KAZN: variants seen among roughly 807,000 people sequenced by gnomAD.
KAZN encodes kazrin.
In KAZN, 40 loss-of-function variants were observed where a neutral mutation model predicts 87.4. The ratio of observed to expected loss-of-function variants is 0.46; its 90% confidence interval spans 0.36 to 0.60. KAZN has a LOEUF of 0.60. Among genes scored for constraint, KAZN ranks in the 20% least tolerant of loss-of-function variants. The pLI, the probability that KAZN is intolerant of heterozygous loss-of-function variation, is 0.00. For missense variants in KAZN, 898 were observed against 1,073.9 expected, an observed-to-expected ratio of 0.84 and a Z score of 2.29; for synonymous variants, 466 against 458.3, an observed-to-expected ratio of 1.02 and a Z score of -0.22.
intron 1 of KAZN, among the ~76,000 whole-genome samples, chr1:14,163,061 A>T (rs1430982223): frequency 6.6e-6 from 1 of 152,056 alleles, no homozygotes; most frequent in Admixed American, 6.6e-5. Context: ...GGTATCTTCA[A>T]CATTCTGGCT....
intron 1 of KAZN, among the ~76,000 whole-genome samples, chr1:14,134,801 A>G (rs139717773): frequency 6.6e-6 from 1 of 152,246 alleles, no homozygotes; most frequent in Non-Finnish European, 1.5e-5. Flanking sequence ...CTGCTTTATT[A>G]TTATTAATCA....
intron 1 of KAZN, among the ~76,000 whole-genome samples, chr1:14,054,289 A>T (rs1302840129): frequency 2.0e-5 from 3 of 151,496 alleles, no homozygotes; most frequent in Non-Finnish European, 2.9e-5. Context: ...AATTCTGATT[A>T]AAAAAGATAA....
intron 2 of KAZN, among the ~76,000 whole-genome samples, chr1:14,452,413 T>C (rs1044682268): frequency 6.6e-6 from 1 of 152,210 alleles, no homozygotes; most frequent in Non-Finnish European, 1.5e-5. Context: ...GTTCCATTTT[T>C]AAAAAATAAG....
Position 15,034,736 on chromosome 1 carries a change from C to T in KAZN, c.419-13C>T, listed in dbSNP as rs1207817369. On this transcript the variant is annotated splice_polypyrimidine_tract_variant and intron_variant, in intron 2 of 14. Transcript: ENST00000376030. ...CTGGGGTCTTGGGAACTAACTCTCT[C>T]CTTTATCCCCAGCCATGAAAGCTGA... 6.2e-7 allele frequency: 1 copy of T among 1,614,064 alleles called. No homozygotes were observed. The highest frequency in any genetic ancestry group is 8.5e-7 in the Non-Finnish European group (1 of 1,179,968).
chr1:14,911,190 C>T (rs1352080112), intron 1 of KAZN, among the ~76,000 whole-genome samples: 1 of 152,228 alleles, frequency 6.6e-6, no homozygotes, highest in African/African-American at 2.4e-5. Flanking sequence ...ATAGGAAACA[C>T]CCCAGGACAG....
At chr1:14,909,099 T>C (rs1480067397) in intron 1 of KAZN, among the ~76,000 whole-genome samples, 1 of 152,218 alleles carries the variant, frequency 6.6e-6, no homozygotes, top group Non-Finnish European at 1.5e-5. Flanking sequence ...TTCCTACCCA[T>C]ATCCCGAAGT....
At chr1:14,346,945 A>G (rs1658147511) in intron 2 of KAZN, among the ~76,000 whole-genome samples, 1 of 152,230 alleles carries the variant, frequency 6.6e-6, no homozygotes, top group Admixed American at 6.5e-5. Context: ...AGTATGGTAT[A>G]GCCATATCAC....
chr1:14,040,389 A>T (rs1200028628), intron 1 of KAZN, among the ~76,000 whole-genome samples: 1 of 152,176 alleles, frequency 6.6e-6, no homozygotes, highest in Admixed American at 6.5e-5. Flanking sequence ...GTGGGAGGTC[A>T]GCGGGGGATG....
At chr1:13,987,355 T>C (rs2101098513) in intron 1 of KAZN, among the ~76,000 whole-genome samples, 1 of 152,256 alleles carries the variant, frequency 6.6e-6, no homozygotes. Flanking sequence ...CAGTGTGTGA[T>C]GTTCCCCTCC....
intron 2 of KAZN, among the ~76,000 whole-genome samples, chr1:14,472,765 T>C (rs1309582010): frequency 1.3e-5 from 2 of 152,118 alleles, no homozygotes; most frequent in Non-Finnish European, 2.9e-5. Context: ...AGGTGAATCC[T>C]AAACTGGCTT....
intron 1 of KAZN, among the ~76,000 whole-genome samples, chr1:14,705,484 G>A (rs1642161592): frequency 6.6e-6 from 1 of 152,160 alleles, no homozygotes; most frequent in South Asian, 2.1e-4. Flanking sequence ...GCACCCCCAT[G>A]TTTATTGCAG....
chr1:13,913,887 C>G (rs1424559312), intron 1 of KAZN, among the ~76,000 whole-genome samples: 1 of 152,198 alleles, frequency 6.6e-6, no homozygotes, highest in African/African-American at 2.4e-5. Flanking sequence ...GTTTGAGAAT[C>G]ATTAAACTAG....
intron 2 of KAZN, among the ~76,000 whole-genome samples, chr1:14,260,318 T>A (rs1296826823): frequency 2.0e-5 from 3 of 151,928 alleles, no homozygotes; most frequent in African/African-American, 7.3e-5. Context: ...ATGGGGTAAG[T>A]GCTTGGAGAA....
chr1:13,893,888 G>A (rs1411655991), intron 1 of KAZN: 7 of 1,124,366 alleles, frequency 6.2e-6, no homozygotes, highest in Non-Finnish European at 8.7e-6. Context: ...ATATAATGTG[G>A]GATGTAAGAC....
Position 14,511,980 on chromosome 1 carries a change from A to T in KAZN, c.250-87003A>T, listed in dbSNP as rs189569847. Among the ~76,000 whole-genome samples, 41 of 152,268 alleles carry T rather than the reference A, an allele frequency of 2.7e-4. No homozygotes were observed. The East Asian group carries it at 7.7e-3, about 29-fold the overall frequency. ...CACGGCTGGAGGAGGCCATGGAAGA[A>T]TTTTTCAGGGGGTGGAAAGGGAGGT... On this transcript the variant is annotated intron_variant, in intron 2 of 16. Transcript: ENST00000636203.
intron 1 of KAZN, among the ~76,000 whole-genome samples, chr1:14,078,740 A>G (rs1176410840): frequency 6.6e-6 from 1 of 152,042 alleles, no homozygotes; most frequent in African/African-American, 2.4e-5. Context: ...GGTGGAGTGC[A>G]GTGGTGCGAT....
At chr1:14,760,151 A>G (rs1476976497) in intron 1 of KAZN, among the ~76,000 whole-genome samples, 1 of 151,382 alleles carries the variant, frequency 6.6e-6, no homozygotes. Flanking sequence ...CCTGAAACCA[A>G]CCAATGCTCG....
intron 1 of KAZN, among the ~76,000 whole-genome samples, chr1:14,928,310 G>T (rs556021762): frequency 6.6e-6 from 1 of 152,256 alleles, no homozygotes; most frequent in East Asian, 1.9e-4. Flanking sequence ...TTAGCCGGGC[G>T]TGTTGGCGGG....
chr1:14,289,640 C>T (rs1274894862), intron 2 of KAZN, among the ~76,000 whole-genome samples: 1 of 152,066 alleles, frequency 6.6e-6, no homozygotes, highest in Non-Finnish European at 1.5e-5. Context: ...ATCCAACTTG[C>T]CAGTCTGTGT....
Sources: allele counts gnomAD v4.1 joint callset (sites outside exome capture counted in the v4.1 genomes callset), GRCh38; gene constraint gnomAD v4.1.1; transcripts MANE v1.5; gene names NCBI Gene and HGNC (gene_info 2026-07-23, HGNC 2026-07-21).